Variants in MTMR2 observed in about 807,000 individuals in gnomAD.
MTMR2 encodes myotubularin related protein 2, also known as phosphatidylinositol-3,5-bisphosphate 3-phosphatase MTMR2.
Under a neutral mutation model 86.9 loss-of-function variants are expected in MTMR2, and 55 were observed. That is an observed-to-expected ratio of 0.63 (90% confidence interval 0.51 to 0.79). The LOEUF is 0.79. Ranked by LOEUF, MTMR2 falls within the 30% of genes least tolerant of loss-of-function variation. The pLI is 0.00. For synonymous variants in MTMR2, 241 were observed against 266.8 expected (o/e 0.90, Z 0.94); for missense variants, 659 against 772.3 (o/e 0.85, Z 1.74).
intron 1 of MTMR2, among the ~76,000 whole-genome samples, chr11:95,920,384 T>C (rs936350693): frequency 1.2e-4 from 18 of 152,130 alleles, no homozygotes; most frequent in African/African-American, 4.3e-4. Context: ...CTTGGCTCAC[T>C]GCAACCTTGG....
intron 1 of MTMR2, among the ~76,000 whole-genome samples, chr11:95,912,236 T>G (rs1866537962): frequency 6.6e-6 from 1 of 151,966 alleles, no homozygotes. Flanking sequence ...AGGATATCTC[T>G]CCCTAATTTT....
chr11:95,856,408 A>G (rs1408845361), intron 7 of MTMR2, among the ~76,000 whole-genome samples: 1 of 150,970 alleles, frequency 6.6e-6, no homozygotes, highest in Non-Finnish European at 1.5e-5. Context: ...TTAAGAGATC[A>G]TCTTCATTTT....
chr11:95,851,746 C>T (rs1864030636), intron 7 of MTMR2, among the ~76,000 whole-genome samples: 1 of 152,194 alleles, frequency 6.6e-6, no homozygotes, highest in African/African-American at 2.4e-5. Flanking sequence ...CTATCGCTTA[C>T]ATACGTAAAG....
In MTMR2 at chr11:95,866,099, A is replaced by G. The variant is rs1457387417; in HGVS notation, c.187-423T>C. ...GATTCCAAAGCCATGCTGAAGGGCC[A>G]TAGTACATTTAAACTCAGACAAAAT... On this transcript the variant is annotated intron_variant, in intron 2 of 14. Coordinates refer to ENST00000346299, the MANE Select transcript of MTMR2 (RefSeq NM_016156.6). Among the ~76,000 whole-genome samples the G allele has an allele frequency of 3.3e-5, 5 of 152,184 alleles. No homozygotes were observed. The East Asian group carries it at 9.6e-4, about 29-fold the overall frequency.
intron 1 of MTMR2, among the ~76,000 whole-genome samples, chr11:95,908,891 T>C (rs564553391): frequency 2.0e-5 from 3 of 152,276 alleles, no homozygotes; most frequent in Non-Finnish European, 2.9e-5. Flanking sequence ...CTCTGGAATA[T>C]ATACATATAC....
rs187337714 is a variant in MTMR2 at position 95,877,606 on chromosome 11, T to C, written c.186+10550A>G. Among the ~76,000 whole-genome samples the C allele has an allele frequency of 1.4e-3, 216 of 152,136 alleles. 1 individual carries two copies. The highest frequency in any genetic ancestry group is 2.2e-3 in the Non-Finnish European group (147 of 67,996). On this transcript the variant is annotated intron_variant, in intron 2 of 14. Coordinates refer to ENST00000346299, the MANE Select transcript of MTMR2 (RefSeq NM_016156.6). ...TTTGGAAATAGGGTTGTTGCAGATATAATTAGTTAAGATGAGGTCATACTG... is the reference window on the plus strand; with the variant it reads ...TTTGGAAATAGGGTTGTTGCAGATACAATTAGTTAAGATGAGGTCATACTG...
At chr11:95,909,089 T>C (rs942716184) in intron 1 of MTMR2, among the ~76,000 whole-genome samples, 12 of 152,148 alleles carry the variant, frequency 7.9e-5, no homozygotes, top group African/African-American at 2.9e-4. Context: ...TTCTCTGCTG[T>C]TATTATAACA....
At chr11:95,874,360 G>T (rs562338877) in intron 2 of MTMR2, among the ~76,000 whole-genome samples, 2 of 152,252 alleles carry the variant, frequency 1.3e-5, no homozygotes, top group Admixed American at 6.5e-5. Context: ...TGGCCTCTTT[G>T]TGTCTTTTGA....
chr11:95,863,470 C>T (rs181029213), intron 3 of MTMR2, among the ~76,000 whole-genome samples: 5 of 152,154 alleles, frequency 3.3e-5, no homozygotes, highest in East Asian at 3.9e-4. Flanking sequence ...TAAATCGTTT[C>T]GAATGCATAT....
intron 1 of MTMR2, among the ~76,000 whole-genome samples, chr11:95,922,771 C>T (rs370170377): frequency 2.0e-5 from 3 of 152,224 alleles, no homozygotes; most frequent in East Asian, 1.9e-4. Context: ...TGTAGAATGA[C>T]GGGATCAGAC....
chr11:95,854,053 G>A (rs780372667), intron 7 of MTMR2, among the ~76,000 whole-genome samples: 20 of 152,104 alleles, frequency 1.3e-4, no homozygotes, highest in Non-Finnish European at 2.5e-4. Flanking sequence ...GTAAGTAGCA[G>A]GGTGGGGTAG....
At chr11:95,902,869 C>T (rs1218642181) in intron 1 of MTMR2, among the ~76,000 whole-genome samples, 1 of 152,102 alleles carries the variant, frequency 6.6e-6, no homozygotes, top group Non-Finnish European at 1.5e-5. Flanking sequence ...CTAAAAACCC[C>T]AAGTATTCAA....
chr11:95,896,509 C>G (rs919519209), intron 1 of MTMR2, among the ~76,000 whole-genome samples: 1 of 151,914 alleles, frequency 6.6e-6, no homozygotes. Flanking sequence ...CCTAAGACAT[C>G]AAACTTCAAG....
chr11:95,863,517 C>T (rs890922907), intron 3 of MTMR2, among the ~76,000 whole-genome samples: 1 of 152,078 alleles, frequency 6.6e-6, no homozygotes, highest in Non-Finnish European at 1.5e-5. Flanking sequence ...TAAATGAACC[C>T]ATCATTATAC....
chr11:95,833,468 A>G lies in MTMR2; in HGVS notation c.*1822T>C, dbSNP rs562826516. On this transcript the variant is annotated 3_prime_UTR_variant, in exon 15 of 15. Transcript: ENST00000346299. Reference sequence around the variant, plus strand: ...TCCCTCCCACACACACCAGTGGTATATATTAAATGCCCAAGTGCATGTACT... The same window carrying G: ...TCCCTCCCACACACACCAGTGGTATGTATTAAATGCCCAAGTGCATGTACT... 2 of 152,078 alleles carry G rather than the reference A, an allele frequency of 1.3e-5. No individual in the cohort carries two copies. The highest frequency in any genetic ancestry group is 4.8e-5 in the African/African-American group (2 of 41,436). The allele number at this position is 152,078 out of a possible 1,614,324, so 9.4% of individuals were successfully genotyped here.
chr11:95,903,455 T>C (rs1866147105), intron 1 of MTMR2, among the ~76,000 whole-genome samples: 2 of 152,124 alleles, frequency 1.3e-5, no homozygotes, highest in South Asian at 2.1e-4. Context: ...TTCCAGACCA[T>C]ACCCACACAG....
intron 12 of MTMR2, among the ~76,000 whole-genome samples, chr11:95,841,128 A>G (rs955084073): frequency 6.6e-6 from 1 of 152,162 alleles, no homozygotes; most frequent in East Asian, 1.9e-4. Flanking sequence ...AGCTCTCTCT[A>G]TGCCAAAAAA....
chr11:95,836,510 A>G (rs1246133065), intron 13 of MTMR2, among the ~76,000 whole-genome samples, 186 bp from the exon 14 acceptor site: 2 of 151,988 alleles, frequency 1.3e-5, no homozygotes, highest in Non-Finnish European at 2.9e-5. Context: ...CAGTTCCTCA[A>G]AGAGATACCA....
At chr11:95,855,784 C>T (rs989936080) in intron 7 of MTMR2, among the ~76,000 whole-genome samples, 3 of 152,074 alleles carry the variant, frequency 2.0e-5, no homozygotes, top group East Asian at 1.9e-4. Context: ...CATCCCATAA[C>T]GTGGTATCTA....
Sources: gnomAD v4.1 joint callset for allele counts (sites outside exome capture counted in the v4.1 genomes callset) on GRCh38, gnomAD v4.1.1 for gene constraint, MANE v1.5 for transcripts, NCBI Gene and HGNC (gene_info 2026-07-23, HGNC 2026-07-21) for gene names.